FAM13A: variants seen among roughly 807,000 people sequenced by gnomAD.
FAM13A encodes family with sequence similarity 13 member A.
FAM13A carries 76 observed loss-of-function variants against 129.6 expected under a neutral mutation model. The observed-to-expected ratio is 0.59, with a 90% CI of 0.49 to 0.71. The LOEUF (loss-of-function observed/expected upper bound fraction) is 0.71, where lower values mean the gene tolerates loss of function less well. Among genes scored for constraint, FAM13A ranks in the 30% least tolerant of loss-of-function variants. The pLI is 0.00. For missense variants in FAM13A, 1,108 were observed against 1,249.3 expected (o/e 0.89, Z 1.70); for synonymous variants, 443 against 449.9 (o/e 0.98, Z 0.20).
intron 6 of FAM13A, among the ~76,000 whole-genome samples, chr4:88,876,643 G>C (rs1240842959): frequency 1.3e-5 from 2 of 152,032 alleles, no homozygotes; most frequent in African/African-American, 2.4e-5. Flanking sequence ...CGAGGCTGGA[G>C]TGCAGTGGCT....
At chr4:88,888,454 A>G (rs1427766130) in intron 6 of FAM13A, among the ~76,000 whole-genome samples, 1 of 152,196 alleles carries the variant, frequency 6.6e-6, no homozygotes, top group Non-Finnish European at 1.5e-5. Context: ...TAGCTGGCAC[A>G]TGGACCTGAC....
chr4:88,801,461 TGTGA>T, intron 8 of FAM13A, among the ~76,000 whole-genome samples: 1 of 152,342 alleles, frequency 6.6e-6, no homozygotes, highest in Middle Eastern at 3.4e-3. Flanking sequence ...CAGTTTGCAC[TGTGA>T]GTATTAAAAC....
intron 7 of FAM13A, among the ~76,000 whole-genome samples, chr4:88,835,389 G>C (rs1343227554): frequency 6.6e-6 from 1 of 152,154 alleles, no homozygotes; most frequent in East Asian, 1.9e-4. Flanking sequence ...AAGCAGCTCA[G>C]TTGTCACTCT....
intron 6 of FAM13A, among the ~76,000 whole-genome samples, chr4:88,898,382 A>G (rs1475046693): frequency 6.6e-6 from 1 of 152,142 alleles, no homozygotes; most frequent in Non-Finnish European, 1.5e-5. Flanking sequence ...ATCATCTGTA[A>G]GTTTGGACAT....
chr4:88,829,738 C>G (rs1733573043), intron 7 of FAM13A, among the ~76,000 whole-genome samples: 1 of 152,052 alleles, frequency 6.6e-6, no homozygotes, highest in African/African-American at 2.4e-5. Flanking sequence ...GGAGAAGAAA[C>G]CAGAGGAGTG....
chr4:88,812,994 C>CA (rs1729962332), intron 7 of FAM13A, among the ~76,000 whole-genome samples: 1 of 152,174 alleles, frequency 6.6e-6, no homozygotes, highest in Non-Finnish European at 1.5e-5. Flanking sequence ...AATGAATCTT[C>CA]AGCTGTGCCA....
At chr4:88,958,195 A>G (rs1457389345) in intron 4 of FAM13A, among the ~76,000 whole-genome samples, 1 of 152,240 alleles carries the variant, frequency 6.6e-6, no homozygotes, top group Non-Finnish European at 1.5e-5. Flanking sequence ...AAAGGCCTCA[A>G]GGGCACTTCA....
intron 11 of FAM13A, among the ~76,000 whole-genome samples, chr4:88,775,613 A>G (rs1721553302): frequency 6.6e-6 from 1 of 152,114 alleles, no homozygotes; most frequent in South Asian, 2.1e-4. Flanking sequence ...AGGCTGGGGC[A>G]GAAGGATCCC....
intron 5 of FAM13A, among the ~76,000 whole-genome samples, chr4:88,931,599 T>C (rs1561369984): frequency 6.6e-6 from 1 of 152,212 alleles, no homozygotes; most frequent in Non-Finnish European, 1.5e-5. Context: ...GGTCCCTCTC[T>C]GTGAAGGAGA....
intron 3 of FAM13A, among the ~76,000 whole-genome samples, chr4:89,004,465 G>A (rs1018047712): frequency 8.5e-5 from 13 of 152,160 alleles, no homozygotes; most frequent in African/African-American, 2.7e-4. Context: ...CTTAGCCAAC[G>A]ATGAGAAAGT....
intron 20 of FAM13A, among the ~76,000 whole-genome samples, chr4:88,738,729 G>C (rs897056912): frequency 6.6e-6 from 1 of 152,150 alleles, no homozygotes; most frequent in Admixed American, 6.5e-5. Flanking sequence ...TACCCACGTG[G>C]TGCTCCATCT....
chr4:88,790,537 A>G (rs746645267), intron 9 of FAM13A, 49 bp downstream of exon 9: 2 of 1,364,314 alleles, frequency 1.5e-6, no homozygotes, highest in East Asian at 4.6e-5. Context: ...GGGACAGGGC[A>G]TTAAAAAAAA....
intron 4 of FAM13A, among the ~76,000 whole-genome samples, chr4:88,979,592 T>C (rs896798510): frequency 2.0e-5 from 3 of 151,992 alleles, no homozygotes; most frequent in Admixed American, 2.0e-4. Flanking sequence ...GAGGATAAAA[T>C]GAAGAAATAG....
chr4:88,933,506 C>T (rs1038446408), intron 5 of FAM13A, among the ~76,000 whole-genome samples: 6 of 152,114 alleles, frequency 3.9e-5, no homozygotes, highest in Admixed American at 3.9e-4. Flanking sequence ...TAAACCCAAT[C>T]TAAGCCTTAT....
intron 8 of FAM13A, among the ~76,000 whole-genome samples, chr4:88,790,846 A>T (rs945934331): frequency 1.1e-4 from 16 of 152,242 alleles, no homozygotes; most frequent in Middle Eastern, 3.4e-3. Flanking sequence ...TCCTTTTAAA[A>T]GTTGTCCAAG....
intron 4 of FAM13A, among the ~76,000 whole-genome samples, chr4:88,943,752 TACTA>T (rs553485767): frequency 1.7e-4 from 26 of 152,338 alleles, no homozygotes; most frequent in Non-Finnish European, 3.2e-4. Context: ...TTTGTGAAAC[TACTA>T]ACTAAGCTCA....
chr4:88,909,091 A>G (rs17816380), intron 5 of FAM13A, among the ~76,000 whole-genome samples: 39,440 of 152,228 alleles, frequency 0.26, 5,933 homozygotes, highest in Middle Eastern at 0.35. Flanking sequence ...ATATTTGTAC[A>G]TATGTATCTG....
At chr4:88,944,225 G>A (rs1350848782) in intron 4 of FAM13A, among the ~76,000 whole-genome samples, 20 of 152,238 alleles carry the variant, frequency 1.3e-4, no homozygotes, top group African/African-American at 4.3e-4. Context: ...GATGGCATGC[G>A]CCTATGGTTC....
intron 2 of FAM13A, among the ~76,000 whole-genome samples, chr4:89,022,361 C>A (rs1276275124): frequency 6.6e-6 from 1 of 152,010 alleles, no homozygotes; most frequent in Non-Finnish European, 1.5e-5. Flanking sequence ...CCCTCATGGA[C>A]TTTGAAGTCT....
Sources: gnomAD v4.1 joint callset for allele counts (sites outside exome capture counted in the v4.1 genomes callset) on GRCh38, gnomAD v4.1.1 for gene constraint, MANE v1.5 for transcripts, NCBI Gene and HGNC (gene_info 2026-07-23, HGNC 2026-07-21) for gene names.